BCKDHB: variants seen among roughly 807,000 people sequenced by gnomAD.
BCKDHB encodes the protein branched chain keto acid dehydrogenase E1 subunit beta.
Under a neutral mutation model 48.5 loss-of-function variants are expected in BCKDHB, and 41 were observed. The ratio of observed to expected loss-of-function variants is 0.85; its 90% CI spans 0.66 to 1.10. The LOEUF (loss-of-function observed/expected upper bound fraction) is 1.10, where lower values mean the gene tolerates loss of function less well. BCKDHB is among the 50% of genes least tolerant of loss of function. The pLI is 0.00. For synonymous variants in BCKDHB, 201 were observed against 174.8 expected (o/e 1.15, Z -1.18); for missense variants, 496 against 494.2 (o/e 1.00, Z -0.03).
chr6:80,460,226 C>T, the BCKDHB span, among the ~76,000 whole-genome samples: 1 of 152,084 alleles, frequency 6.6e-6, no homozygotes, highest in Non-Finnish European at 1.5e-5. Context: ...ACAAGTAATA[C>T]TGAGCATGTC....
the BCKDHB span, among the ~76,000 whole-genome samples, chr6:80,380,935 T>C: frequency 0.53 from 79,993 of 151,720 alleles, 21,524 homozygotes; most frequent in Non-Finnish European, 0.59. Context: ...TTCTAATAAT[T>C]TTTTAGTGGA....
chr6:80,423,104 C>T, the BCKDHB span, among the ~76,000 whole-genome samples: 3 of 152,188 alleles, frequency 2.0e-5, no homozygotes, highest in South Asian at 2.1e-4. Flanking sequence ...GTATCATGGG[C>T]GTGGTTTCTG....
chr6:80,109,646 A>G (rs1488122690), intron 1 of BCKDHB, among the ~76,000 whole-genome samples: 1 of 152,178 alleles, frequency 6.6e-6, no homozygotes. Flanking sequence ...ATATTTTCCC[A>G]TGTTTTTGTT....
rs191308372 is a variant in BCKDHB, at chr6:80,238,425, C to T, written c.952-34710C>T. 1.3e-3 allele frequency among the ~76,000 whole-genome samples: 192 copies of T among 152,208 alleles called. 1 individual carries two copies. Among genetic ancestry groups the T allele is most frequent in the Middle Eastern group, 3.4e-3 (1 of 294 alleles). ...TATCTTTAAATTATTCAGTAAACAA[C>T]AGTCAAAAGAAAAATCTTAGCCACA... On this transcript the variant is annotated intron_variant, in intron 8 of 9. Coordinates refer to ENST00000320393, the MANE Select transcript of BCKDHB (RefSeq NM_183050.4).
chr6:80,191,114 T>C (rs1328413309), intron 6 of BCKDHB, among the ~76,000 whole-genome samples: 1 of 152,208 alleles, frequency 6.6e-6, no homozygotes, highest in Non-Finnish European at 1.5e-5. Flanking sequence ...CTCTAGCCCT[T>C]CCAAAGTCTT....
chr6:80,314,902 G>C (rs1405041283), intron 9 of BCKDHB, among the ~76,000 whole-genome samples: 1 of 152,186 alleles, frequency 6.6e-6, no homozygotes, highest in African/African-American at 2.4e-5. Flanking sequence ...TGTGCTGTGC[G>C]GCGGGACTCG....
intron 9 of BCKDHB, among the ~76,000 whole-genome samples, chr6:80,279,097 T>A (rs1778089935): frequency 6.6e-6 from 1 of 152,130 alleles, no homozygotes; most frequent in Non-Finnish European, 1.5e-5. Flanking sequence ...TCTCTTCAAC[T>A]TTTTCTGGAC....
chr6:80,174,326 A>G (rs1048562946), intron 6 of BCKDHB, among the ~76,000 whole-genome samples: 5 of 152,142 alleles, frequency 3.3e-5, no homozygotes, highest in African/African-American at 1.2e-4. Flanking sequence ...ATTGGGAGCT[A>G]CATTTTTACA....
intron 1 of BCKDHB, among the ~76,000 whole-genome samples, chr6:80,108,462 A>G (rs1161125007): frequency 1.3e-5 from 2 of 151,410 alleles, no homozygotes; most frequent in Non-Finnish European, 2.9e-5. Context: ...AAATGATATC[A>G]TGTTATCATG....
chr6:80,150,885 T>C (rs1295644017), intron 3 of BCKDHB, among the ~76,000 whole-genome samples: 1 of 152,182 alleles, frequency 6.6e-6, no homozygotes, highest in Non-Finnish European at 1.5e-5. Context: ...CAGAAATCTT[T>C]TTTATTTAAC....
chr6:80,354,506 G>A, the BCKDHB span, among the ~76,000 whole-genome samples: 1 of 152,150 alleles, frequency 6.6e-6, no homozygotes, highest in African/African-American at 2.4e-5. Flanking sequence ...TAGGATTACA[G>A]GTGTGAGCCT....
chr6:80,359,670 C>T, the BCKDHB span, among the ~76,000 whole-genome samples: 1 of 152,200 alleles, frequency 6.6e-6, no homozygotes, highest in Admixed American at 6.5e-5. Context: ...TCTGGGCTCA[C>T]TGCAACCTCT....
intron 9 of BCKDHB, among the ~76,000 whole-genome samples, chr6:80,316,944 GT>G (rs3840381): frequency 0.34 from 52,091 of 152,044 alleles, 9,074 homozygotes; most frequent in Non-Finnish European, 0.37. Context: ...TTAGGGTGGG[GT>G]TTAGAATTAG....
At chr6:80,212,835 C>A (rs1775000192) in intron 8 of BCKDHB, among the ~76,000 whole-genome samples, 1 of 152,202 alleles carries the variant, frequency 6.6e-6, no homozygotes, top group South Asian at 2.1e-4. Flanking sequence ...CCTTCCTTGA[C>A]CAGCTTATGT....
intron 6 of BCKDHB, 147 bp from the exon 7 acceptor site, chr6:80,200,787 A>C (rs1435017556): frequency 1.5e-6 from 1 of 656,508 alleles, no homozygotes; most frequent in African/African-American, 1.8e-5. Context: ...CCATATCATA[A>C]ATGCTATTTC....
At chr6:80,213,583 A>G (rs1301586350) in intron 8 of BCKDHB, among the ~76,000 whole-genome samples, 3 of 151,716 alleles carry the variant, frequency 2.0e-5, no homozygotes, top group Non-Finnish European at 2.9e-5. Flanking sequence ...GTTACAAGAT[A>G]CTGTCTCCCA....
intron 3 of BCKDHB, among the ~76,000 whole-genome samples, chr6:80,167,211 G>C (rs533632344): frequency 6.6e-6 from 1 of 151,400 alleles, no homozygotes; most frequent in African/African-American, 2.4e-5. Context: ...CTTTCTTTTG[G>C]TTAGGTTTTT....
intron 6 of BCKDHB, among the ~76,000 whole-genome samples, chr6:80,193,215 GA>G (rs1292272599): frequency 2.6e-5 from 4 of 152,004 alleles, no homozygotes; most frequent in African/African-American, 7.2e-5. Flanking sequence ...AATTATTGAA[GA>G]AAAAAATTAG....
At chr6:80,399,847 A>C in the BCKDHB span, among the ~76,000 whole-genome samples, 1 of 152,050 alleles carries the variant, frequency 6.6e-6, no homozygotes, top group Non-Finnish European at 1.5e-5. Context: ...ACAGGGCTAC[A>C]GTAACCAAAA....
Sources: allele counts gnomAD v4.1 joint callset (sites outside exome capture counted in the v4.1 genomes callset), GRCh38; gene constraint gnomAD v4.1.1; transcripts MANE v1.5; gene names NCBI Gene and HGNC (gene_info 2026-07-23, HGNC 2026-07-21).